GTF2E2: variants seen among roughly 807,000 people sequenced by gnomAD.
The protein encoded by GTF2E2 is transcription initiation factor IIE subunit beta.
Under a neutral mutation model 40.5 loss-of-function variants are expected in GTF2E2, and 21 were observed. That is an observed-to-expected ratio of 0.52 (90% CI 0.37 to 0.75). The LOEUF is 0.75. Among genes scored for constraint, GTF2E2 ranks in the 30% least tolerant of loss-of-function variants. GTF2E2 has a pLI of 0.00. For synonymous variants in GTF2E2, 117 were observed against 121.6 expected, an observed-to-expected ratio of 0.96 and a Z score of 0.25; for missense variants, 298 against 338.4, an observed-to-expected ratio of 0.88 and a Z score of 0.94.
intron 2 of GTF2E2, among the ~76,000 whole-genome samples, chr8:30,642,816 T>A (rs1801897921): frequency 1.3e-5 from 2 of 152,260 alleles, no homozygotes; most frequent in African/African-American, 4.8e-5. Context: ...CATTAATGGA[T>A]ACAAGTTAAA....
intron 3 of GTF2E2, among the ~76,000 whole-genome samples, chr8:30,627,373 TA>T (rs1403554144): frequency 6.9e-6 from 1 of 144,842 alleles, no homozygotes; most frequent in Non-Finnish European, 1.5e-5. Flanking sequence ...AAGTCCATCT[TA>T]GAGAAACTGT....
chr8:30,580,403 C>G lies in GTF2E2; in HGVS notation c.644-7G>C. The stretch of plus-strand genomic sequence containing the variant: ...CTCCACAGTTTCTGAAATTCTGTAT[C>G]AAACAGACACTAGTTATTTTACAAT... On this transcript the variant is annotated splice_region_variant and splice_polypyrimidine_tract_variant and intron_variant, in intron 6 of 7. Transcript: ENST00000355904. 2 of 1,326,716 alleles carry G rather than the reference C, an allele frequency of 1.5e-6. No homozygotes were observed. Among genetic ancestry groups the G allele is most frequent in the Non-Finnish European group, 2.2e-6 (2 of 918,128 alleles). The allele number at this position is 1,326,716 out of a possible 1,614,324, so 82.2% of individuals were successfully genotyped here. A position where few individuals can be genotyped will look rare whatever the true frequency, so the allele number is the denominator to read the frequency against.
At chr8:30,646,727 A>AT (rs1342576737) in intron 2 of GTF2E2, among the ~76,000 whole-genome samples, 2 of 152,240 alleles carry the variant, frequency 1.3e-5, no homozygotes, top group Non-Finnish European at 2.9e-5. Flanking sequence ...CATGCCTGTC[A>AT]TCCCAGCACT....
chr8:30,649,347 T>G (rs1563511188), intron 2 of GTF2E2, among the ~76,000 whole-genome samples: 1 of 150,400 alleles, frequency 6.6e-6, no homozygotes, highest in Non-Finnish European at 1.5e-5. Flanking sequence ...AATGTAAGAG[T>G]AAACTAAACC....
chr8:30,619,808 C>G (rs1361428675), intron 3 of GTF2E2, among the ~76,000 whole-genome samples: 1 of 152,050 alleles, frequency 6.6e-6, no homozygotes, highest in Non-Finnish European at 1.5e-5. Flanking sequence ...TACCCTCCCT[C>G]CAAAAACATG....
intron 6 of GTF2E2, among the ~76,000 whole-genome samples, chr8:30,590,863 G>A (rs1476614814): frequency 2.0e-5 from 3 of 151,470 alleles, no homozygotes; most frequent in East Asian, 1.9e-4. Flanking sequence ...GCTGATTTTT[G>A]TATTTTTAGT....
At position 30,595,666 on chromosome 8, in the gene GTF2E2, C is replaced by T. The variant is rs796125617; in HGVS notation, c.643+11391G>A. On this transcript the variant is annotated intron_variant, in intron 6 of 7. Transcript: ENST00000355904. ...GCAACATGGTGAAACCCCATCTCTACTAGAAATACAAAAAAATTAGCTAGA... is the reference window on the plus strand; with the variant it reads ...GCAACATGGTGAAACCCCATCTCTATTAGAAATACAAAAAAATTAGCTAGA... Among the ~76,000 whole-genome samples, 18 of 152,224 alleles carry T rather than the reference C, an allele frequency of 1.2e-4. No homozygotes were observed. In the South Asian group the frequency reaches 3.5e-3, roughly 30 times the overall value.
intron 2 of GTF2E2, among the ~76,000 whole-genome samples, chr8:30,637,749 CTGACCCTG>C (rs1801656703): frequency 6.6e-6 from 1 of 152,156 alleles, no homozygotes; most frequent in South Asian, 2.1e-4. Flanking sequence ...TCTTGAACTC[CTGACCCTG>C]TGATCCACCC....
intron 6 of GTF2E2, among the ~76,000 whole-genome samples, chr8:30,592,307 G>T (rs147592527): frequency 6.6e-6 from 1 of 152,138 alleles, no homozygotes; most frequent in Non-Finnish European, 1.5e-5. Context: ...TGTGCCCAGG[G>T]AGGTCAAGGC....
chr8:30,631,317 G>A (rs370947828), intron 3 of GTF2E2, among the ~76,000 whole-genome samples: 2 of 152,066 alleles, frequency 1.3e-5, no homozygotes, highest in Non-Finnish European at 2.9e-5. Flanking sequence ...GTGCTGGGCC[G>A]AGAATTTAAA....
intron 3 of GTF2E2, among the ~76,000 whole-genome samples, chr8:30,626,934 A>T (rs1417374881): frequency 6.6e-6 from 1 of 152,252 alleles, no homozygotes; most frequent in African/African-American, 2.4e-5. Flanking sequence ...ATCTCAGAGT[A>T]AAGCTCTTCA....
chr8:30,595,608 C>A (rs1287818770), intron 6 of GTF2E2, among the ~76,000 whole-genome samples: 1 of 152,106 alleles, frequency 6.6e-6, no homozygotes, highest in Non-Finnish European at 1.5e-5. Context: ...GAAGGGCAGA[C>A]TGCTTGAGCC....
intron 3 of GTF2E2, among the ~76,000 whole-genome samples, chr8:30,622,170 T>A (rs138983966): frequency 0.015 from 1,887 of 127,260 alleles, 60 homozygotes; most frequent in African/African-American, 0.052. Context: ...CCCCTTCCTG[T>A]GTCCAAGGGT....
chr8:30,634,992 A>G (rs779300209), intron 3 of GTF2E2, 40 bp downstream of exon 3: 2 of 1,128,100 alleles, frequency 1.8e-6, no homozygotes, highest in Non-Finnish European at 2.6e-6. Flanking sequence ...TTTTGCCAAA[A>G]AGTTAAATAG....
chr8:30,609,289 A>C (rs1398222880), intron 5 of GTF2E2, among the ~76,000 whole-genome samples: 1 of 151,410 alleles, frequency 6.6e-6, no homozygotes, highest in Non-Finnish European at 1.5e-5. Flanking sequence ...AAGAGAAAGA[A>C]AGAAAGAAAG....
At chr8:30,655,935 C>G (rs1198902004) in intron 1 of GTF2E2, among the ~76,000 whole-genome samples, 1 of 152,052 alleles carries the variant, frequency 6.6e-6, no homozygotes, top group Non-Finnish European at 1.5e-5. Flanking sequence ...CTCAGCCTCC[C>G]GAGTAGCTGG....
At chr8:30,601,590 G>T (rs931342540) in intron 6 of GTF2E2, among the ~76,000 whole-genome samples, 1 of 152,070 alleles carries the variant, frequency 6.6e-6, no homozygotes, top group African/African-American at 2.4e-5. Context: ...TGCCAAGGTC[G>T]AAAGCCCTGC....
intron 1 of GTF2E2, among the ~76,000 whole-genome samples, chr8:30,654,980 T>C (rs1409242302): frequency 2.6e-5 from 4 of 152,138 alleles, no homozygotes; most frequent in Admixed American, 2.6e-4. Context: ...GTGGCTCATG[T>C]CTGTAATCCC....
chr8:30,582,401 C>A (rs988274806), intron 6 of GTF2E2, among the ~76,000 whole-genome samples: 1 of 152,220 alleles, frequency 6.6e-6, no homozygotes, highest in Non-Finnish European at 1.5e-5. Flanking sequence ...AATGAGTACA[C>A]AGAGTTCCTA....
Sources: gnomAD v4.1 joint callset for allele counts (sites outside exome capture counted in the v4.1 genomes callset) on GRCh38, gnomAD v4.1.1 for gene constraint, MANE v1.5 for transcripts, NCBI Gene and HGNC (gene_info 2026-07-23, HGNC 2026-07-21) for gene names.